Variants in GSR observed in about 807,000 individuals in gnomAD.
GSR encodes glutathione-disulfide reductase.
In GSR, 48 loss-of-function variants were observed where a neutral mutation model predicts 56.5. The ratio of observed to expected loss-of-function variants is 0.85; its 90% CI spans 0.67 to 1.08. GSR has a LOEUF of 1.08. Among genes scored for constraint, GSR ranks in the 50% least tolerant of loss-of-function variants. GSR has a pLI of 0.00. For synonymous variants in GSR, 264 were observed against 270.8 expected (o/e 0.97, Z 0.25); for missense variants, 694 against 703.3 (o/e 0.99, Z 0.15).
At chr8:30,704,542 T>G (rs1230002486) in intron 4 of GSR, 1 of 152,220 alleles carries the variant, frequency 6.6e-6, no homozygotes, top group African/African-American at 2.4e-5. Flanking sequence ...ACTTTTGGAT[T>G]TGCTCTTACT....
intron 11 of GSR, among the ~76,000 whole-genome samples, chr8:30,681,383 A>G (rs1221535044): frequency 6.6e-6 from 1 of 152,040 alleles, no homozygotes; most frequent in East Asian, 1.9e-4. Flanking sequence ...TTAGCCAGGC[A>G]TGGTGGTGGT....
chr8:30,679,284 A>T lies in GSR; in HGVS notation c.*236T>A. 1 of 553,600 alleles carries T rather than the reference A, an allele frequency of 1.8e-6. No individual in the cohort carries two copies. Among genetic ancestry groups the T allele is most frequent in the African/African-American group, 1.9e-5 (1 of 53,040 alleles). The allele number at this position is 553,600 out of a possible 1,614,324, so 34.3% of individuals were successfully genotyped here. ...TAGCACAGAGCTGTTAATAAAAAAAAAACTTGAAAATATTAATTACTGTGA... is the reference window on the plus strand; with the variant it reads ...TAGCACAGAGCTGTTAATAAAAAAATAACTTGAAAATATTAATTACTGTGA... On this transcript the variant is annotated 3_prime_UTR_variant, in exon 13 of 13. Coordinates refer to ENST00000221130, the MANE Select transcript of GSR (RefSeq NM_000637.5).
intron 8 of GSR, among the ~76,000 whole-genome samples, chr8:30,692,235 G>C (rs543216315): frequency 8.6e-5 from 9 of 104,990 alleles, no homozygotes; most frequent in Admixed American, 3.2e-4. Flanking sequence ...ATGGACTCTC[G>C]CTCTTGTTGC....
intron 5 of GSR, among the ~76,000 whole-genome samples, chr8:30,701,752 C>T (rs1419669471): frequency 6.9e-6 from 1 of 145,344 alleles, no homozygotes. Flanking sequence ...GAGATTGCGC[C>T]ACTGCACTCC....
chr8:30,696,609 T>C, intron 6 of GSR, 130 bp from the exon 7 acceptor site: 1 of 705,510 alleles, frequency 1.4e-6, no homozygotes, highest in Non-Finnish European at 2.6e-6. Context: ...TTCCCTAAAG[T>C]TAATATTTTA....
At chr8:30,714,447 C>T (rs977685886) in intron 1 of GSR, among the ~76,000 whole-genome samples, 5 of 150,116 alleles carry the variant, frequency 3.3e-5, no homozygotes, top group African/African-American at 1.2e-4. Context: ...GTGATCCACC[C>T]GCCTTGGCAT....
chr8:30,709,722 TTCC>T, intron 3 of GSR, 89 bp downstream of exon 3: 2 of 758,276 alleles, frequency 2.6e-6, no homozygotes, highest in Non-Finnish European at 4.8e-6. Context: ...TTTACCGCAA[TTCC>T]TCCTCCATCC....
At chr8:30,725,671 C>T (rs571160264) in intron 1 of GSR, among the ~76,000 whole-genome samples, 2 of 151,994 alleles carry the variant, frequency 1.3e-5, no homozygotes, top group African/African-American at 2.4e-5. Context: ...TACCAGAGGT[C>T]AGGAGTTTGA....
chr8:30,703,843 T>G (rs1803832140), intron 4 of GSR, among the ~76,000 whole-genome samples: 2 of 144,328 alleles, frequency 1.4e-5, no homozygotes, highest in African/African-American at 5.2e-5. Context: ...AAGAAAGAAG[T>G]TAGAAGAAGG....
chr8:30,709,986 T>C (rs1804074442), intron 2 of GSR, 84 bp from the exon 3 acceptor site: 1 of 764,288 alleles, frequency 1.3e-6, no homozygotes, highest in South Asian at 1.5e-5. Flanking sequence ...GAATGGTAAC[T>C]AGGTAACAGC....
At chr8:30,685,472 G>A (rs1803129959) in intron 9 of GSR, among the ~76,000 whole-genome samples, 1 of 151,982 alleles carries the variant, frequency 6.6e-6, no homozygotes, top group Non-Finnish European at 1.5e-5. Context: ...ACATACTGAT[G>A]TTTTTTTCAG....
intron 6 of GSR, among the ~76,000 whole-genome samples, chr8:30,699,812 T>G (rs189740660): frequency 6.6e-6 from 1 of 152,232 alleles, no homozygotes; most frequent in East Asian, 1.9e-4. Flanking sequence ...TGTATTAAGT[T>G]GAAGAAAGAA....
At chr8:30,705,269 A>AAT (rs1554572617) in intron 4 of GSR, among the ~76,000 whole-genome samples, 89 of 147,246 alleles carry the variant, frequency 6.0e-4, no homozygotes, top group Admixed American at 1.3e-3. Context: ...CTACAAAAAA[A>AAT]TTTTTTTTTT....
In GSR at chr8:30,679,300, A is replaced by G. The variant is rs188338725; in HGVS notation, c.*220T>C. 5.0e-4 allele frequency: 289 copies of G among 577,080 alleles called. No individual in the cohort carries two copies. The African/African-American group carries it at 5.1e-3, about 10-fold the overall frequency. 35.7% of individuals were successfully genotyped at this position (577,080 alleles called of 1,614,324 possible). A position where few individuals can be genotyped will look rare whatever the true frequency, so the allele number is the denominator to read the frequency against. On this transcript the variant is annotated 3_prime_UTR_variant, in exon 13 of 13. Coordinates refer to ENST00000221130, the MANE Select transcript of GSR (RefSeq NM_000637.5). ...ATAAAAAAAAAACTTGAAAATATTA[A>G]TTACTGTGAGATGTGATCAAATGAA...
At chr8:30,701,271 G>C (rs1803730023) in intron 5 of GSR, among the ~76,000 whole-genome samples, 1 of 151,920 alleles carries the variant, frequency 6.6e-6, no homozygotes, top group African/African-American at 2.4e-5. Flanking sequence ...TTCGAGACTA[G>C]CCTGGCCAAC....
chr8:30,714,980 T>C (rs1446808127), intron 1 of GSR, among the ~76,000 whole-genome samples: 2 of 152,084 alleles, frequency 1.3e-5, no homozygotes, highest in East Asian at 1.9e-4. Flanking sequence ...TACTAAAAAT[T>C]AGAATAATTT....
chr8:30,702,146 A>ACT (rs1225546958), intron 5 of GSR, among the ~76,000 whole-genome samples: 1 of 151,824 alleles, frequency 6.6e-6, no homozygotes, highest in Non-Finnish European at 1.5e-5. Context: ...ACATGGTGAA[A>ACT]CTCTGTCTCT....
chr8:30,686,737 C>G (rs998193748), intron 9 of GSR, among the ~76,000 whole-genome samples: 3 of 152,050 alleles, frequency 2.0e-5, no homozygotes, highest in Non-Finnish European at 4.4e-5. Context: ...AAAACTGGAC[C>G]TATCAGTGCT....
chr8:30,703,822 G>A (rs1397979547), intron 4 of GSR, among the ~76,000 whole-genome samples: 2 of 151,214 alleles, frequency 1.3e-5, no homozygotes, highest in Non-Finnish European at 2.9e-5. Context: ...GAGGGAGGAG[G>A]AGGAGGAAGA....
Sources: allele counts gnomAD v4.1 joint callset (sites outside exome capture counted in the v4.1 genomes callset), GRCh38; gene constraint gnomAD v4.1.1; transcripts MANE v1.5; gene names NCBI Gene and HGNC (gene_info 2026-07-23, HGNC 2026-07-21).